The following PADI1 variants were observed in gnomAD, a reference collection of about 807,000 sequenced individuals.
PADI1 encodes protein-arginine deiminase type-1.
PADI1 carries 65 observed loss-of-function variants against 74.8 expected under a neutral mutation model. That is an observed-to-expected ratio of 0.87 (90% confidence interval 0.71 to 1.07). PADI1 has a LOEUF of 1.07. PADI1 is among the 50% of genes least tolerant of loss of function. The probability of loss-of-function intolerance (pLI) is 0.00; values close to 1 mark genes in which losing one functional copy is unlikely to be tolerated. For missense variants in PADI1, 943 were observed against 854.0 expected (o/e 1.10, Z -1.30); for synonymous variants, 371 against 336.2 (o/e 1.10, Z -1.13).
chr1:17,245,963 C>G lies in PADI1; in HGVS notation c.*1720C>G, dbSNP rs866207174. 2 of 152,224 alleles carry G rather than the reference C, an allele frequency of 1.3e-5. No individual in the cohort carries two copies. Among genetic ancestry groups the G allele is most frequent in the Non-Finnish European group, 2.9e-5 (2 of 68,052 alleles). 9.4% of individuals were successfully genotyped at this position (152,224 alleles called of 1,614,324 possible). A position where few individuals can be genotyped will look rare whatever the true frequency, so the allele number is the denominator to read the frequency against. On this transcript the variant is annotated 3_prime_UTR_variant, in exon 16 of 16. Transcript: ENST00000375471. This position sits in a 1 kb window ranked among gnomAD's most constrained non-coding sequence, Gnocchi z 4.1. ...TCTGAGAATGTTCTGGGTGACCAGTCACCTACTTTCTGATCAATAAAAATG... is the reference window on the plus strand; with the variant it reads ...TCTGAGAATGTTCTGGGTGACCAGTGACCTACTTTCTGATCAATAAAAATG...
intron 15 of PADI1, among the ~76,000 whole-genome samples, chr1:17,243,297 T>C (rs2072814341): frequency 6.9e-6 from 1 of 144,618 alleles, no homozygotes; most frequent in South Asian, 2.3e-4. Context: ...GCCCCCAGAG[T>C]TAAACTCAAG....
At chr1:17,236,587 CTACAAAAAT>C (rs560551430) in intron 11 of PADI1, among the ~76,000 whole-genome samples, 2 of 152,164 alleles carry the variant, frequency 1.3e-5, no homozygotes, top group African/African-American at 4.8e-5. Context: ...AAACCCACCT[CTACAAAAAT>C]TACAAAAATT....
chr1:17,224,258 C>T (rs762223019), intron 3 of PADI1, 109 bp from the exon 4 acceptor site: 2 of 879,986 alleles, frequency 2.3e-6, no homozygotes, highest in Non-Finnish European at 3.7e-6. Context: ...GACAGGGCTT[C>T]CAGTCCTCAC....
chr1:17,237,601 C>G (rs1263675743), intron 12 of PADI1, 143 bp downstream of exon 12: 2 of 654,006 alleles, frequency 3.1e-6, no homozygotes, highest in Non-Finnish European at 4.8e-6. Flanking sequence ...TCAGGGCACC[C>G]TGACACGCTC....
chr1:17,207,441 C>G (rs1196559688), intron 1 of PADI1, among the ~76,000 whole-genome samples: 2 of 152,194 alleles, frequency 1.3e-5, no homozygotes, highest in African/African-American at 2.4e-5. Context: ...CAATATAACA[C>G]CAGTTATAAT....
At chr1:17,221,764 G>C (rs2072157873) in intron 1 of PADI1, among the ~76,000 whole-genome samples, 1 of 152,320 alleles carries the variant, frequency 6.6e-6, no homozygotes, top group African/African-American at 2.4e-5. Context: ...AAGCGTAGTA[G>C]GGAGGAGGCA....
chr1:17,241,194 G>A (rs1382064849), intron 15 of PADI1, among the ~76,000 whole-genome samples: 1 of 152,230 alleles, frequency 6.6e-6, no homozygotes, highest in Non-Finnish European at 1.5e-5. Flanking sequence ...CCTGTGTCAG[G>A]CGGTGCAGGT....
chr1:17,240,939 C>T (rs1023361540), intron 15 of PADI1, among the ~76,000 whole-genome samples, 179 bp downstream of exon 15: 1 of 152,154 alleles, frequency 6.6e-6, no homozygotes, highest in Non-Finnish European at 1.5e-5. Context: ...AATTTTGCCC[C>T]CAGGGGATTT....
At chr1:17,214,045 G>C (rs544104436) in intron 1 of PADI1, among the ~76,000 whole-genome samples, 2 of 152,210 alleles carry the variant, frequency 1.3e-5, no homozygotes, top group Non-Finnish European at 2.9e-5. Context: ...GGCCATGGGG[G>C]CACAGAGGAA....
At chr1:17,237,904 C>G (rs537674229) in intron 12 of PADI1, among the ~76,000 whole-genome samples, 92 of 152,276 alleles carry the variant, frequency 6.0e-4, no homozygotes, top group Non-Finnish European at 2.9e-4. Flanking sequence ...CTACAGTAAG[C>G]CTTGCAGAGG....
chr1:17,208,139 G>A (rs182891889), intron 1 of PADI1, among the ~76,000 whole-genome samples: 2 of 152,220 alleles, frequency 1.3e-5, no homozygotes, highest in Admixed American at 1.3e-4. Flanking sequence ...CTGGTGGGAG[G>A]GGGGAAGCCC....
chr1:17,227,479 C>T (rs890499121), intron 6 of PADI1, among the ~76,000 whole-genome samples: 1 of 150,474 alleles, frequency 6.6e-6, no homozygotes, highest in African/African-American at 2.5e-5. Flanking sequence ...TGCAGGGAGC[C>T]GTGTTCATGC....
chr1:17,227,391 T>C (rs1446068907), intron 6 of PADI1, among the ~76,000 whole-genome samples: 3 of 150,398 alleles, frequency 2.0e-5, no homozygotes, highest in Non-Finnish European at 3.0e-5. Context: ...CTACAAAACA[T>C]ACAAAAAAAT....
rs771935756 is a variant in PADI1 at position 17,228,771 on chromosome 1, CT to C, written c.800del (p.Leu267ProfsTer14). 5.1e-5 allele frequency: 82 copies of C among 1,614,030 alleles called. No individual in the cohort carries two copies. The highest frequency in any genetic ancestry group is 1.0e-5 in the Non-Finnish European group (12 of 1,180,022). On this transcript the variant is annotated frameshift_variant, in exon 7 of 16. Coordinates refer to ENST00000375471, the MANE Select transcript of PADI1 (RefSeq NM_013358.3). LOFTEE classifies it high-confidence loss of function. ...PDADFLGLVSLSVSLVDPGTL... is the reference protein window; with the variant it reads ...PDADFLGLVSXSVSLVDPGTL... ...TGCCGATTTCCTAGGGCTGGTTTCC[CT>C]CAGTGTCAGCCTGGTGGACCCGGGG...
At chr1:17,222,600 A>C (rs575786026) in intron 2 of PADI1, 130 bp downstream of exon 2, 2 of 713,634 alleles carry the variant, frequency 2.8e-6, no homozygotes, top group Non-Finnish European at 4.8e-6. Flanking sequence ...ATCACAGTAC[A>C]TACACAAAAC....
chr1:17,218,222 T>C (rs1375956499), intron 1 of PADI1, among the ~76,000 whole-genome samples: 3 of 152,230 alleles, frequency 2.0e-5, no homozygotes, highest in African/African-American at 7.2e-5. Flanking sequence ...ATGTACTATA[T>C]AGAATTTACA....
At position 17,232,811 on chromosome 1, in the gene PADI1, T is replaced by C. The variant is rs762841050; in HGVS notation, c.1162-8T>C. On this transcript the variant is annotated splice_region_variant and splice_polypyrimidine_tract_variant and intron_variant, in intron 10 of 15. Coordinates refer to ENST00000375471, the MANE Select transcript of PADI1 (RefSeq NM_013358.3). ...CTTGGGGTGGGGGTCTCGCTGGTTCTTCCATAGGGTCCTGACTTTGGATAT... is the reference window on the plus strand; with the variant it reads ...CTTGGGGTGGGGGTCTCGCTGGTTCCTCCATAGGGTCCTGACTTTGGATAT... 5.1e-5 allele frequency: 82 copies of C among 1,605,904 alleles called. No homozygotes were observed. The highest frequency in any genetic ancestry group is 7.0e-5 in the Non-Finnish European group (82 of 1,174,568).
At chr1:17,220,820 C>T (rs923885252) in intron 1 of PADI1, among the ~76,000 whole-genome samples, 4 of 152,200 alleles carry the variant, frequency 2.6e-5, no homozygotes, top group East Asian at 1.9e-4. Context: ...CCATAGTTCA[C>T]GCTTATGCAG....
intron 11 of PADI1, among the ~76,000 whole-genome samples, chr1:17,234,015 G>A (rs2072569553): frequency 6.6e-6 from 1 of 152,166 alleles, no homozygotes; most frequent in Non-Finnish European, 1.5e-5. Flanking sequence ...GGGGGCAGAC[G>A]GTCCTTGAGG....
Sources: allele counts gnomAD v4.1 joint callset (sites outside exome capture counted in the v4.1 genomes callset), GRCh38; gene constraint gnomAD v4.1.1; non-coding constraint Gnocchi (gnomAD v3.1); transcripts MANE v1.5; gene names NCBI Gene and HGNC (gene_info 2026-07-23, HGNC 2026-07-21).